The following SNX19 variants were observed in gnomAD, a reference collection of about 807,000 sequenced individuals.
The protein encoded by SNX19 is sorting nexin-19.
A neutral mutation model predicts 85.2 loss-of-function variants in SNX19; 60 were observed. The ratio of observed to expected loss-of-function variants is 0.70; its 90% CI spans 0.57 to 0.87. The LOEUF (loss-of-function observed/expected upper bound fraction) is 0.87, where lower values mean the gene tolerates loss of function less well. Among genes scored for constraint, SNX19 ranks in the 40% least tolerant of loss-of-function variants. SNX19 has a pLI of 0.00. For missense variants in SNX19, 1,201 were observed against 1,217.8 expected, an observed-to-expected ratio of 0.99 and a Z score of 0.21; for synonymous variants, 520 against 470.0, an observed-to-expected ratio of 1.11 and a Z score of -1.38.
In SNX19 at chr11:130,868,409, T is replaced by A. The variant is rs1942867173; in HGVS notation, c.*10013A>T. On this transcript the variant is annotated 3_prime_UTR_variant, in exon 11 of 11. Transcript: ENST00000265909. ...TATCAGATTTTTTTTCCTGTGGCGA[T>A]ACAGAGGCCCCTTCACCCCAGCAAC... 2 of 152,188 alleles carry A rather than the reference T, an allele frequency of 1.3e-5. No individual in the cohort carries two copies. The allele number at this position is 152,188 out of a possible 1,614,324, so 9.4% of individuals were successfully genotyped here.
In SNX19 at chr11:130,876,061, A is replaced by AGAT. The variant is rs1410741205; in HGVS notation, c.*2358_*2360dup. On this transcript the variant is annotated 3_prime_UTR_variant, in exon 11 of 11. Transcript: ENST00000265909. ...AGCATCCCTGCCTCGTCTTTTTTAT[A>AGAT]GATAGTAAGAAAAGGGAAAGTAGTC... The AGAT allele has an allele frequency of 1.1e-4, 17 of 152,228 alleles. No individual in the cohort carries two copies. Among genetic ancestry groups the AGAT allele is most frequent in the African/African-American group, 3.6e-4 (15 of 41,458 alleles). 9.4% of individuals were successfully genotyped at this position (152,228 alleles called of 1,614,324 possible). A position where few individuals can be genotyped will look rare whatever the true frequency, so the allele number is the denominator to read the frequency against.
In SNX19 at chr11:130,880,733, ACTC is replaced by A. The variant is rs760179664; in HGVS notation, c.2644_2646del (p.Glu882del). The A allele has an allele frequency of 1.6e-5, 25 of 1,611,440 alleles. No individual in the cohort carries two copies. The highest frequency in any genetic ancestry group is 2.1e-5 in the Non-Finnish European group (25 of 1,178,166). ...GGCAAAACTCCACCAGGCCAGATGG[ACTC>A]CTGAAGAAGCAGGAGGTACTGCACC... On this transcript the variant is annotated inframe_deletion, in exon 9 of 11. Coordinates refer to ENST00000265909, the MANE Select transcript of SNX19 (RefSeq NM_014758.3).
chr11:130,909,770 A>C (rs1336085739), intron 4 of SNX19, among the ~76,000 whole-genome samples: 1 of 152,124 alleles, frequency 6.6e-6, no homozygotes, highest in Non-Finnish European at 1.5e-5. Flanking sequence ...CCCCCAGGAG[A>C]TATGTGTACA....
chr11:130,879,807 G>A, intron 9 of SNX19, 96 bp from the exon 10 acceptor site: 1 of 1,149,232 alleles, frequency 8.7e-7, no homozygotes, highest in Non-Finnish European at 1.3e-6. Context: ...TTTTTACATA[G>A]GTTAGGTATT....
chr11:130,898,294 G>C (rs1223161053), intron 8 of SNX19, among the ~76,000 whole-genome samples: 1 of 152,152 alleles, frequency 6.6e-6, no homozygotes, highest in African/African-American at 2.4e-5. Flanking sequence ...AAACTTGCCT[G>C]CTTGGGGATA....
At position 130,866,869 on chromosome 11, in the gene SNX19, A is replaced by C. The variant is rs192780809; in HGVS notation, c.*11553T>G. 1 of 152,364 alleles carries C rather than the reference A, an allele frequency of 6.6e-6. No individual in the cohort carries two copies. Among genetic ancestry groups the C allele is most frequent in the Admixed American group, 6.5e-5 (1 of 15,302 alleles). 9.4% of individuals were successfully genotyped at this position (152,364 alleles called of 1,614,324 possible). On this transcript the variant is annotated 3_prime_UTR_variant, in exon 11 of 11. Coordinates refer to ENST00000265909, the MANE Select transcript of SNX19 (RefSeq NM_014758.3). ...AGACCCAGGTCCTGGCTTTGCTAATAATAATGACATTTATTATGCACTGTG... is the reference window on the plus strand; with the variant it reads ...AGACCCAGGTCCTGGCTTTGCTAATCATAATGACATTTATTATGCACTGTG...
At position 130,880,696 on chromosome 11, in the gene SNX19, C is replaced by T. The variant is rs368762149; in HGVS notation, c.2684G>A (p.Arg895Gln). ...TTTCTGCTCTTGGGTCCTTACGGGC[C>T]GTGGAAACTTAGGCAAAACTCCACC... is the stretch of plus-strand genomic sequence containing the variant. The part of the protein sequence containing the change: ...WPGGVLPKFP[R>Q]PVRTQEQKLA... The change falls in exon 9 of 11, where the codon CGG becomes CAG. Residue 895 changes from arginine (R) to glutamine (Q), a missense_variant. Coordinates refer to ENST00000265909, the MANE Select transcript of SNX19 (RefSeq NM_014758.3). 320 of 1,612,350 alleles carry T rather than the reference C, an allele frequency of 2.0e-4. No individual in the cohort carries two copies. Among genetic ancestry groups the T allele is most frequent in the Non-Finnish European group, 2.5e-4 (291 of 1,178,800 alleles).
intron 8 of SNX19, among the ~76,000 whole-genome samples, chr11:130,898,134 T>C (rs758217527): frequency 2.7e-5 from 4 of 147,910 alleles, no homozygotes; most frequent in Non-Finnish European, 5.9e-5. Flanking sequence ...GGAGGGGTTA[T>C]GAGGTCGAAC....
At position 130,903,371 on chromosome 11, in the gene SNX19, C is replaced by A; in HGVS notation, c.2457G>T (p.Glu819Asp). 6.2e-7 allele frequency: 1 copy of A among 1,612,482 alleles called. No individual in the cohort carries two copies. The highest frequency in any genetic ancestry group is 8.5e-7 in the Non-Finnish European group (1 of 1,179,828). Residue 819 changes from glutamate (E) to aspartate (D), a missense_variant, in exon 8 of 11, where the codon GAG (glutamate) becomes GAT (aspartate). By Grantham distance (45) the Glu-to-Asp change is conservative (BLOSUM62 2). This residue lies in a region of SNX19 where 285 missense variants were observed against 295.3 expected (regional missense o/e 0.97). Transcript: ENST00000265909. ...PSNSDPGTET[E>D]LADTALDLLL... ...GCAGATCCAGGGCTGTGTCAGCTAA[C>A]TCTGTCTCTGTTCCTGAGGGATAAA...
At chr11:130,900,181 T>C (rs779049586) in intron 8 of SNX19, among the ~76,000 whole-genome samples, 14 of 152,164 alleles carry the variant, frequency 9.2e-5, no homozygotes, top group Non-Finnish European at 1.9e-4. Context: ...CGGTGGTGTG[T>C]GCCTGTAGTC....
Position 130,915,636 on chromosome 11 carries a change from T to C in SNX19, c.304A>G (p.Ile102Val). ...PEAERQLERE[I>V]NRTIQMIIRD... The stretch of plus-strand genomic sequence containing the variant: ...ATAATCATCTGGATGGTGCGGTTGA[T>C]CTCCCGTTCCAGCTGCCTTTCTGCC... The change falls in exon 1 of 11, where the codon ATC becomes GTC. Residue 102 changes from isoleucine to valine, a missense_variant. This residue lies in a region of SNX19 where 791 missense variants were observed against 750.9 expected (regional missense o/e 1.05). Transcript: ENST00000265909. The C allele has an allele frequency of 1.9e-6, 3 of 1,614,254 alleles. No homozygotes were observed. In the African/African-American group the frequency reaches 4.0e-5, roughly 22 times the overall value.
rs1024733136 is a variant in SNX19 at position 130,916,076 on chromosome 11, CAAAG to C, written c.-141_-138del. ...TCAGGGAACCGGGGCTCCAGGCCCT[CAAAG>C]TCCTACAGGCACTGCAAAGCGACAG... On this transcript the variant is annotated 5_prime_UTR_variant, in exon 1 of 11. Transcript: ENST00000265909. 6 of 723,824 alleles carry C rather than the reference CAAAG, an allele frequency of 8.3e-6. No individual in the cohort carries two copies. Among genetic ancestry groups the C allele is most frequent in the Non-Finnish European group, 1.4e-5 (6 of 441,556 alleles). 44.8% of individuals were successfully genotyped at this position (723,824 alleles called of 1,614,324 possible). A position where few individuals can be genotyped will look rare whatever the true frequency, so the allele number is the denominator to read the frequency against.
intron 8 of SNX19, among the ~76,000 whole-genome samples, chr11:130,897,680 C>G (rs895758936): frequency 6.6e-6 from 1 of 152,168 alleles, no homozygotes; most frequent in African/African-American, 2.4e-5. Flanking sequence ...GCCCCAAACC[C>G]CCTACCATCA....
At chr11:130,900,612 C>T (rs1377824004) in intron 8 of SNX19, among the ~76,000 whole-genome samples, 1 of 152,118 alleles carries the variant, frequency 6.6e-6, no homozygotes, top group Middle Eastern at 3.2e-3. Flanking sequence ...TTTTCCTACC[C>T]CTTTTATATA....
Position 130,870,687 on chromosome 11 carries a change from G to C in SNX19, c.*7735C>G, listed in dbSNP as rs1222213202. ...TGGGATGTGGAAGGTTGGGAGAAAG[G>C]AATCAACAAAATGAAAGTAACAGTA... On this transcript the variant is annotated 3_prime_UTR_variant, in exon 11 of 11. Transcript: ENST00000265909. Among the ~76,000 whole-genome samples, 1 of 152,124 alleles carries C rather than the reference G, an allele frequency of 6.6e-6. No individual in the cohort carries two copies. The highest frequency in any genetic ancestry group is 1.5e-5 in the Non-Finnish European group (1 of 68,030).
Position 130,878,388 on chromosome 11 carries a change from T to C in SNX19, c.*34A>G. 1 of 1,601,946 alleles carries C rather than the reference T, an allele frequency of 6.2e-7. No homozygotes were observed. The highest frequency in any genetic ancestry group is 8.5e-7 in the Non-Finnish European group (1 of 1,172,890). ...GTCTCTGGTGGCCGAGTAACTCTAC[T>C]TCCCTGACCTGGGAAGAAGGCGTGA... On this transcript the variant is annotated 3_prime_UTR_variant, in exon 11 of 11. Coordinates refer to ENST00000265909, the MANE Select transcript of SNX19 (RefSeq NM_014758.3).
intron 7 of SNX19, among the ~76,000 whole-genome samples, chr11:130,904,280 T>A (rs1362454288): frequency 6.6e-6 from 1 of 152,202 alleles, no homozygotes; most frequent in Non-Finnish European, 1.5e-5. Flanking sequence ...ACTGCTGTGA[T>A]TAATATTATA....
rs1312043897 is a variant in SNX19 at position 130,879,730 on chromosome 11, AT to A, written c.2759-20del. On this transcript the variant is annotated intron_variant, in intron 9 of 10. Transcript: ENST00000265909. Reference sequence around the variant, plus strand: ...ACGAGATCTGAGGAGGAAAAAACAGATGGAATTTGCGTGTTATCACTGAAGT... The same window carrying A: ...ACGAGATCTGAGGAGGAAAAAACAGAGGAATTTGCGTGTTATCACTGAAGT... 6.2e-7 allele frequency: 1 copy of A among 1,609,840 alleles called. No homozygotes were observed. The highest frequency in any genetic ancestry group is 8.5e-7 in the Non-Finnish European group (1 of 1,176,296).
rs867126090 is a variant in SNX19, at chr11:130,906,103, C to A, written c.2293G>T (p.Glu765Ter). ...TTTGTCTGTTTTTCAATAAAAGATT[C>A]CATCGCAGACATGGATAGAGTCTCA... is the stretch of plus-strand genomic sequence containing the variant. ...ESETLSMSAM[E>*]SFIEKQTKLL... Residue 765 changes from glutamate to a stop codon, truncating the protein, a stop_gained, in exon 7 of 11, where the codon GAA (glutamate) becomes TAA (stop). Transcript: ENST00000265909. LOFTEE classifies it high-confidence loss of function. 1.2e-6 allele frequency: 2 copies of A among 1,613,922 alleles called. No homozygotes were observed. Among genetic ancestry groups the A allele is most frequent in the South Asian group, 1.1e-5 (1 of 91,070 alleles).
Sources: gnomAD v4.1 joint callset for allele counts (sites outside exome capture counted in the v4.1 genomes callset) on GRCh38, gnomAD v4.1.1 for gene constraint, gnomAD v4.1.1 regional missense constraint, MANE v1.5 for transcripts, NCBI Gene and HGNC (gene_info 2026-07-23, HGNC 2026-07-21) for gene names.